The following DISP1 variants were observed in gnomAD, a reference collection of about 807,000 sequenced individuals.
DISP1 encodes the protein protein dispatched homolog 1.
Under a neutral mutation model 37.3 loss-of-function variants are expected in DISP1, and 30 were observed. That is an observed-to-expected ratio of 0.80 (90% CI 0.60 to 1.09). DISP1 has a LOEUF of 1.09. DISP1 is among the 50% of genes least tolerant of loss of function. The pLI, the probability that DISP1 is intolerant of heterozygous loss-of-function variation, is 0.00. For missense variants in DISP1, 1,598 were observed against 1,879.5 expected, an observed-to-expected ratio of 0.85 and a Z score of 2.77; for synonymous variants, 634 against 690.2, an observed-to-expected ratio of 0.92 and a Z score of 1.28.
At chr1:222,836,048 G>A (rs1572279112) in intron 1 of DISP1, among the ~76,000 whole-genome samples, 1 of 151,906 alleles carries the variant, frequency 6.6e-6, no homozygotes, top group East Asian at 1.9e-4. Context: ...AGCTTTTAGT[G>A]GACTATGAAT....
chr1:222,974,217 A>C lies in DISP1; in HGVS notation c.510-8863A>C, dbSNP rs184396990. On this transcript the variant is annotated intron_variant, in intron 3 of 8. Transcript: ENST00000675850. ...AGTAGTACCTTTTTTCTCTTGGATAATTCTCAACAGTTTATAGAAAACTGT... is the reference window on the plus strand; with the variant it reads ...AGTAGTACCTTTTTTCTCTTGGATACTTCTCAACAGTTTATAGAAAACTGT... Among the ~76,000 whole-genome samples, 3 of 152,230 alleles carry C rather than the reference A, an allele frequency of 2.0e-5. No individual in the cohort carries two copies. The East Asian group carries it at 5.8e-4, about 29-fold the overall frequency.
intron 4 of DISP1, 141 bp from the exon 5 acceptor site, chr1:222,990,484 G>C (rs1015337920): frequency 8.6e-7 from 1 of 1,161,784 alleles, no homozygotes; most frequent in African/African-American, 1.5e-5. Context: ...ATAAACACCT[G>C]TATGTAGTCT....
intron 1 of DISP1, among the ~76,000 whole-genome samples, chr1:222,907,322 A>G (rs908237765): frequency 4.6e-5 from 7 of 152,222 alleles, no homozygotes; most frequent in African/African-American, 1.4e-4. Flanking sequence ...TTAACTCTAC[A>G]GGAGTAAAAC....
chr1:222,944,809 A>G (rs974563742), intron 3 of DISP1, among the ~76,000 whole-genome samples: 4 of 152,206 alleles, frequency 2.6e-5, no homozygotes, highest in African/African-American at 7.2e-5. Flanking sequence ...TATTGTATGT[A>G]TTTGTTTTTC....
intron 3 of DISP1, among the ~76,000 whole-genome samples, chr1:222,956,433 A>T (rs1029201530): frequency 1.3e-5 from 2 of 152,214 alleles, no homozygotes; most frequent in Admixed American, 6.5e-5. Context: ...ATACATAATG[A>T]GGAACTAGTA....
Position 223,005,811 on chromosome 1 carries a change from G to T in DISP1, c.4414G>T (p.Gly1472Cys). Residue 1472 changes from glycine (G) to cysteine (C), a missense_variant, in exon 9 of 9, where the codon GGT becomes TGT. Coordinates refer to ENST00000675850, the MANE Select transcript of DISP1 (RefSeq NM_001377229.1). ...ATTTAATCATTTAATGGGGGAGGCT[G>T]GTTGTAGGTCTTGCCCAAATAATTC... The part of the protein sequence containing the change: ...VLFNHLMGEA[G>C]CRSCPNNSQS... The T allele has an allele frequency of 6.2e-7, 1 of 1,614,234 alleles. No homozygotes were observed. The highest frequency in any genetic ancestry group is 8.5e-7 in the Non-Finnish European group (1 of 1,180,046).
chr1:222,998,030 ACT>A (rs1350555709), intron 8 of DISP1, among the ~76,000 whole-genome samples: 1 of 151,948 alleles, frequency 6.6e-6, no homozygotes, highest in African/African-American at 2.4e-5. Flanking sequence ...CTAGTCTCAA[ACT>A]CTATGAACCT....
In DISP1 at chr1:223,003,364, T is replaced by C; in HGVS notation, c.1967T>C (p.Val656Ala). The C allele has an allele frequency of 2.5e-6, 4 of 1,614,156 alleles. No homozygotes were observed. Among genetic ancestry groups the C allele is most frequent in the Non-Finnish European group, 3.4e-6 (4 of 1,180,036 alleles). The change falls in exon 9 of 9, where the codon GTT becomes GCT. Residue 656 changes from valine (V) to alanine (A), a missense_variant. Coordinates refer to ENST00000675850, the MANE Select transcript of DISP1 (RefSeq NM_001377229.1). The surrounding 1 kb of genome is among the most constrained non-coding windows in gnomAD (Gnocchi z 4.3). ...VLMVTWLPAV[V>A]VLHERYLLNI... ...ATGGTCACATGGCTTCCAGCAGTTG[T>C]TGTGCTGCATGAGCGGTATCTTCTT...
At chr1:222,928,971 T>C in intron 2 of DISP1, among the ~76,000 whole-genome samples, 1 of 152,192 alleles carries the variant, frequency 6.6e-6, no homozygotes, top group East Asian at 1.9e-4. Context: ...GAAAAATAAA[T>C]GTAGAGTTGT....
At chr1:222,938,747 A>AG (rs1674153171) in intron 2 of DISP1, among the ~76,000 whole-genome samples, 2 of 136,112 alleles carry the variant, frequency 1.5e-5, no homozygotes, top group East Asian at 2.3e-4. Context: ...AAAAAAAAAA[A>AG]AAAAAAAAAA....
At chr1:222,862,219 A>G (rs979922420) in intron 1 of DISP1, among the ~76,000 whole-genome samples, 2 of 152,186 alleles carry the variant, frequency 1.3e-5, no homozygotes, top group African/African-American at 4.8e-5. Context: ...ACACTTAATG[A>G]AGAGTTACAA....
chr1:222,949,783 C>T (rs575366732), intron 3 of DISP1, among the ~76,000 whole-genome samples: 19 of 152,208 alleles, frequency 1.2e-4, no homozygotes, highest in Non-Finnish European at 2.4e-4. Flanking sequence ...CACACCACCA[C>T]GCCCAGCTAA....
At chr1:222,985,471 G>A (rs1197995214) in intron 4 of DISP1, among the ~76,000 whole-genome samples, 1 of 152,182 alleles carries the variant, frequency 6.6e-6, no homozygotes, top group Non-Finnish European at 1.5e-5. Flanking sequence ...CCAACATGGT[G>A]AAACCCTGTC....
intron 1 of DISP1, among the ~76,000 whole-genome samples, chr1:222,902,892 G>A (rs58602982): frequency 6.6e-6 from 1 of 151,074 alleles, no homozygotes; most frequent in Non-Finnish European, 1.5e-5. Flanking sequence ...AGTCAGTGTG[G>A]CGATTCCTCA....
At chr1:222,975,145 C>G (rs906251481) in intron 3 of DISP1, among the ~76,000 whole-genome samples, 2 of 152,124 alleles carry the variant, frequency 1.3e-5, no homozygotes, top group African/African-American at 4.8e-5. Context: ...CCCTTCTCAG[C>G]CTCCTGAGTA....
rs1679745143 is a variant in DISP1, at chr1:223,004,577, C to T, written c.3180C>T (p.Tyr1060=). 13 of 1,614,188 alleles carry T rather than the reference C, an allele frequency of 8.1e-6. No individual in the cohort carries two copies. The highest frequency in any genetic ancestry group is 1.1e-5 in the Non-Finnish European group (13 of 1,180,034). The change falls in exon 9 of 9, where the codon TAC becomes TAT. Residue 1060 remains tyrosine, a synonymous_variant. Transcript: ENST00000675850. The surrounding 1 kb of genome is among the most constrained non-coding windows in gnomAD (Gnocchi z 4.9). ...VDFAVHYGVA[Y]RLAPDPDREG... is the part of the protein sequence containing the mutation. Reference sequence around the variant, plus strand: ...TTGCCGTCCATTATGGGGTTGCCTACCGCTTGGCTCCAGATCCCGACCGAG... The same window carrying T: ...TTGCCGTCCATTATGGGGTTGCCTATCGCTTGGCTCCAGATCCCGACCGAG...
At position 222,987,075 on chromosome 1, in the gene DISP1, A is replaced by AATAT. The variant is rs146934603; in HGVS notation, c.540-3539_540-3536dup. Among the ~76,000 whole-genome samples, 92 of 150,590 alleles carry AATAT rather than the reference A, an allele frequency of 6.1e-4. No individual in the cohort carries two copies. In the Middle Eastern group the frequency reaches 0.01, roughly 17 times the overall value. The stretch of plus-strand genomic sequence containing the variant: ...TATATATATATATATAGCATCATCA[A>AATAT]ATATATATATATATTTGTGAGATTT... On this transcript the variant is annotated intron_variant, in intron 4 of 8. Transcript: ENST00000675850.
At position 223,005,398 on chromosome 1, in the gene DISP1, A is replaced by G. The variant is rs1361876483; in HGVS notation, c.4001A>G (p.His1334Arg). 1 of 1,613,310 alleles carries G rather than the reference A, an allele frequency of 6.2e-7. No individual in the cohort carries two copies. The highest frequency in any genetic ancestry group is 1.3e-5 in the African/African-American group (1 of 74,872). The change falls in exon 9 of 9, where the codon CAC (histidine) becomes CGC (arginine). Residue 1334 changes from histidine to arginine, a missense_variant. Transcript: ENST00000675850. ...GTGCACCCCATCACGCACATCCACC[A>G]CTGTCCCTGCCTGCAGGGCAGAGTA... The part of the protein sequence containing the change: ...GFVHPITHIH[H>R]CPCLQGRVKP...
intron 1 of DISP1, among the ~76,000 whole-genome samples, chr1:222,844,327 T>C (rs1360954747): frequency 6.6e-6 from 1 of 152,136 alleles, no homozygotes; most frequent in Non-Finnish European, 1.5e-5. Context: ...AACAGGAGTT[T>C]AGTATTTTTA....
Sources: allele counts gnomAD v4.1 joint callset (sites outside exome capture counted in the v4.1 genomes callset), GRCh38; gene constraint gnomAD v4.1.1; non-coding constraint Gnocchi (gnomAD v3.1); transcripts MANE v1.5; gene names NCBI Gene and HGNC (gene_info 2026-07-23, HGNC 2026-07-21).